ERC2: variants seen among roughly 807,000 people sequenced by gnomAD.
ERC2 encodes ELKS/RAB6-interacting/CAST family member 2, also known as ERC protein 2.
A neutral mutation model predicts 114.8 loss-of-function variants in ERC2; 42 were observed. That is an observed-to-expected ratio of 0.37 (90% CI 0.29 to 0.47). The LOEUF (loss-of-function observed/expected upper bound fraction) is 0.47, where lower values mean the gene tolerates loss of function less well. ERC2 is among the 20% of genes least tolerant of loss of function. The pLI, the probability that ERC2 is intolerant of heterozygous loss-of-function variation, is 0.99. For synonymous variants in ERC2, 454 were observed against 425.5 expected, an observed-to-expected ratio of 1.07 and a Z score of -0.82; for missense variants, 939 against 1,150.7, an observed-to-expected ratio of 0.82 and a Z score of 2.66.
chr3:56,100,803 A>C lies in ERC2; in HGVS notation c.1474-19819T>G, dbSNP rs75636824. On this transcript the variant is annotated intron_variant, in intron 6 of 17. Transcript: ENST00000288221. ...AGTTGCATTAACATTATTAAGTTGCAATATATTACACACAGTACAGTAAAA... is the reference window on the plus strand; with the variant it reads ...AGTTGCATTAACATTATTAAGTTGCCATATATTACACACAGTACAGTAAAA... Among the ~76,000 whole-genome samples, 1,027 of 152,336 alleles carry C rather than the reference A, an allele frequency of 6.7e-3. 12 individuals carry two copies. The highest frequency in any genetic ancestry group is 0.023 in the African/African-American group (952 of 41,584).
chr3:55,553,492 T>C (rs997107576), intron 17 of ERC2, among the ~76,000 whole-genome samples: 2 of 151,950 alleles, frequency 1.3e-5, no homozygotes, highest in Admixed American at 1.3e-4. Context: ...TAAGAAATGG[T>C]AGCACTGGCT....
chr3:56,024,687 G>C (rs1393763935), intron 7 of ERC2, among the ~76,000 whole-genome samples: 1 of 152,186 alleles, frequency 6.6e-6, no homozygotes. Context: ...ACAAAGCTTG[G>C]AGTCTGGATG....
intron 3 of ERC2, among the ~76,000 whole-genome samples, chr3:56,189,609 G>A (rs1217381700): frequency 1.3e-5 from 2 of 152,166 alleles, no homozygotes. Flanking sequence ...TGTATCAAGG[G>A]GCTCACAGTG....
rs145798957 is a variant in ERC2, at chr3:56,152,515, A to T, written c.1150-3383T>A. On this transcript the variant is annotated intron_variant, in intron 4 of 17. Transcript: ENST00000288221. Reference sequence around the variant, plus strand: ...TTCTAAGCCCAGCACTTAAGACAACATCAGTGAAAGAACAGACATGGACCC... The same window carrying T: ...TTCTAAGCCCAGCACTTAAGACAACTTCAGTGAAAGAACAGACATGGACCC... Among the ~76,000 whole-genome samples the T allele has an allele frequency of 1.7e-3, 258 of 152,272 alleles. 4 individuals are homozygous for T. Among genetic ancestry groups the T allele is most frequent in the African/African-American group, 6.1e-3 (252 of 41,566 alleles).
intron 2 of ERC2, among the ~76,000 whole-genome samples, chr3:56,414,568 C>CA: frequency 6.6e-6 from 1 of 151,762 alleles, no homozygotes; most frequent in East Asian, 1.9e-4. Context: ...ACTAAAAATA[C>CA]AAAAAAATTA....
At chr3:56,394,655 T>G (rs933966403) in intron 2 of ERC2, among the ~76,000 whole-genome samples, 34 of 152,074 alleles carry the variant, frequency 2.2e-4, no homozygotes, top group African/African-American at 7.7e-4. Context: ...CAAACTAAAA[T>G]CACAATGAGA....
At chr3:55,824,222 G>C (rs1398102529) in intron 14 of ERC2, among the ~76,000 whole-genome samples, 1 of 152,064 alleles carries the variant, frequency 6.6e-6, no homozygotes, top group Non-Finnish European at 1.5e-5. Context: ...GAATTGAGGG[G>C]GTGGCCAAAA....
chr3:56,116,974 A>G (rs1048681827), intron 6 of ERC2, among the ~76,000 whole-genome samples: 1 of 152,188 alleles, frequency 6.6e-6, no homozygotes, highest in Non-Finnish European at 1.5e-5. Flanking sequence ...GCTTATTCTC[A>G]CCCTTTAAGG....
intron 3 of ERC2, among the ~76,000 whole-genome samples, chr3:56,216,842 C>T (rs1334514728): frequency 6.6e-6 from 1 of 152,102 alleles, no homozygotes; most frequent in Non-Finnish European, 1.5e-5. Flanking sequence ...TCAACAAACG[C>T]AAATCAATAA....
chr3:55,967,921 C>T (rs1277481025), intron 12 of ERC2, among the ~76,000 whole-genome samples: 3 of 152,174 alleles, frequency 2.0e-5, no homozygotes, highest in Non-Finnish European at 4.4e-5. Context: ...AAGGCCCTCA[C>T]CAGATGCCAG....
chr3:55,769,569 G>A (rs1319896237), intron 14 of ERC2, among the ~76,000 whole-genome samples: 2 of 151,808 alleles, frequency 1.3e-5, no homozygotes, highest in African/African-American at 4.8e-5. Context: ...AGTTCTCAGG[G>A]GATAAAAATT....
At chr3:55,999,441 G>A (rs895579628) in intron 10 of ERC2, among the ~76,000 whole-genome samples, 4 of 152,050 alleles carry the variant, frequency 2.6e-5, no homozygotes, top group Non-Finnish European at 5.9e-5. Context: ...CTTAATCCTT[G>A]TTTACTCTGA....
chr3:56,013,834 T>C (rs1230651048), intron 8 of ERC2, among the ~76,000 whole-genome samples: 1 of 152,098 alleles, frequency 6.6e-6, no homozygotes, highest in Non-Finnish European at 1.5e-5. Context: ...TGAATCAGAA[T>C]CTCTAGGAAA....
chr3:56,078,128 G>A (rs2077063144), intron 7 of ERC2, among the ~76,000 whole-genome samples: 1 of 152,146 alleles, frequency 6.6e-6, no homozygotes, highest in Non-Finnish European at 1.5e-5. Flanking sequence ...TGATTCAAGG[G>A]TCCTTAGTAA....
intron 4 of ERC2, among the ~76,000 whole-genome samples, chr3:56,172,075 C>A (rs1431537052): frequency 2.0e-5 from 3 of 149,644 alleles, no homozygotes; most frequent in African/African-American, 7.4e-5. Flanking sequence ...AGGTTTGATT[C>A]CAATGTGAAG....
chr3:55,717,604 G>C (rs116522049), intron 15 of ERC2, among the ~76,000 whole-genome samples: 1 of 152,058 alleles, frequency 6.6e-6, no homozygotes, highest in Non-Finnish European at 1.5e-5. Context: ...TGGTTTGTTC[G>C]AGAAGCTCTT....
intron 3 of ERC2, among the ~76,000 whole-genome samples, chr3:56,282,892 T>A (rs903588283): frequency 1.3e-5 from 2 of 152,168 alleles, no homozygotes; most frequent in Non-Finnish European, 2.9e-5. Context: ...CACATTTGTA[T>A]CTGCAGGGCA....
intron 12 of ERC2, among the ~76,000 whole-genome samples, chr3:55,963,638 A>C (rs1200733012): frequency 6.6e-6 from 1 of 152,226 alleles, no homozygotes; most frequent in Admixed American, 6.5e-5. Context: ...TTGAAAACAA[A>C]ACATTCATTT....
intron 14 of ERC2, among the ~76,000 whole-genome samples, chr3:55,817,712 G>C (rs2059959107): frequency 6.6e-6 from 1 of 152,172 alleles, no homozygotes; most frequent in South Asian, 2.1e-4. Flanking sequence ...TAAGTTATCT[G>C]AGTCTCAGTT....
Sources: gnomAD v4.1 joint callset for allele counts (sites outside exome capture counted in the v4.1 genomes callset) on GRCh38, gnomAD v4.1.1 for gene constraint, MANE v1.5 for transcripts, NCBI Gene and HGNC (gene_info 2026-07-23, HGNC 2026-07-21) for gene names.